Variants in RIMS1 observed in about 807,000 individuals in gnomAD.
RIMS1 encodes regulating synaptic membrane exocytosis protein 1.
A neutral mutation model predicts 214.1 loss-of-function variants in RIMS1; 83 were observed. The observed-to-expected ratio is 0.39, with a 90% CI of 0.32 to 0.47. RIMS1 has a LOEUF of 0.47. Ranked by LOEUF, RIMS1 falls within the 20% of genes least tolerant of loss-of-function variation. The pLI is 0.99. For synonymous variants in RIMS1, 793 were observed against 786.8 expected, an observed-to-expected ratio of 1.01 and a Z score of -0.13; for missense variants, 2,050 against 2,161.8, an observed-to-expected ratio of 0.95 and a Z score of 1.03.
intron 6 of RIMS1, among the ~76,000 whole-genome samples, chr6:72,229,302 G>T (rs2061249571): frequency 6.6e-6 from 1 of 151,716 alleles, no homozygotes; most frequent in Non-Finnish European, 1.5e-5. Context: ...CACTATACTA[G>T]GCACTTTGAC....
In RIMS1 at chr6:71,910,909, T is replaced by A. The variant is rs561777366; in HGVS notation, c.164+23722T>A. ...GAGTTGGCAGCTCTGGAGGATGAGA[T>A]GATCAATCTGGCTCCAATAGGAAGA... On this transcript the variant is annotated intron_variant, in intron 1 of 33. Transcript: ENST00000521978. 2.0e-5 allele frequency among the ~76,000 whole-genome samples: 3 copies of A among 152,226 alleles called. No individual in the cohort carries two copies. In the East Asian group the frequency reaches 5.8e-4, roughly 29 times the overall value.
At chr6:72,091,702 A>C (rs933364787) in intron 2 of RIMS1, among the ~76,000 whole-genome samples, 1 of 151,886 alleles carries the variant, frequency 6.6e-6, no homozygotes, top group Non-Finnish European at 1.5e-5. Flanking sequence ...TGAAACAATG[A>C]AAAAAAACAG....
intron 1 of RIMS1, among the ~76,000 whole-genome samples, chr6:71,899,766 C>A (rs989676827): frequency 6.6e-6 from 1 of 152,110 alleles, no homozygotes; most frequent in Non-Finnish European, 1.5e-5. Flanking sequence ...CTGTAGCTAA[C>A]TGGACTAATG....
At chr6:72,260,797 G>A in intron 19 of RIMS1, 30 bp downstream of exon 19, 1 of 1,609,208 alleles carries the variant, frequency 6.2e-7, no homozygotes, top group East Asian at 2.2e-5. Context: ...AATGGTGACT[G>A]TGTGTGATGA....
chr6:72,080,074 TAAAAAAAAAAAAAA>T (rs770845471), intron 2 of RIMS1, among the ~76,000 whole-genome samples: 14 of 22,404 alleles, frequency 6.2e-4, no homozygotes, highest in East Asian at 3.4e-3. Context: ...GTGTCTCTAC[TAAAAAAAAAAAAAA>T]AAAAAAAAAA....
intron 6 of RIMS1, among the ~76,000 whole-genome samples, chr6:72,196,380 TATCTATC>T (rs1562551685): frequency 3.1e-4 from 8 of 26,176 alleles, no homozygotes; most frequent in African/African-American, 6.2e-4. Flanking sequence ...TCTGTCTGTC[TATCTATC>T]TATCTATCTA....
At chr6:72,341,081 G>A (rs189828945) in intron 29 of RIMS1, among the ~76,000 whole-genome samples, 3,100 of 152,066 alleles carry the variant, frequency 0.02, 70 homozygotes, top group African/African-American at 0.056. Context: ...TTGGCTCTCT[G>A]TTTGTCTGTT....
At chr6:72,029,416 T>C (rs146561573) in intron 2 of RIMS1, among the ~76,000 whole-genome samples, 6 of 152,198 alleles carry the variant, frequency 3.9e-5, no homozygotes, top group African/African-American at 1.4e-4. Context: ...TAGGATGTGA[T>C]TAAGTCATGA....
intron 2 of RIMS1, among the ~76,000 whole-genome samples, chr6:72,052,730 G>C (rs1048626786): frequency 6.6e-6 from 1 of 152,164 alleles, no homozygotes; most frequent in Non-Finnish European, 1.5e-5. Context: ...TATAGGTAAA[G>C]CATCTATTTT....
chr6:72,030,025 G>A (rs1450990067), intron 2 of RIMS1, among the ~76,000 whole-genome samples: 5 of 152,158 alleles, frequency 3.3e-5, no homozygotes, highest in Non-Finnish European at 2.9e-5. Flanking sequence ...GTAAGGACCC[G>A]AGATGCCAAA....
chr6:72,151,702 C>G (rs2043616414), intron 4 of RIMS1, among the ~76,000 whole-genome samples: 1 of 152,166 alleles, frequency 6.6e-6, no homozygotes, highest in African/African-American at 2.4e-5. Context: ...CTAACTGTCT[C>G]TCTTTTCCTG....
intron 2 of RIMS1, among the ~76,000 whole-genome samples, chr6:72,081,911 A>G (rs1040232618): frequency 6.6e-6 from 1 of 152,198 alleles, no homozygotes; most frequent in Non-Finnish European, 1.5e-5. Flanking sequence ...AAATGATGAA[A>G]ACAGATGTCA....
At chr6:72,153,791 G>A (rs1318284548) in intron 4 of RIMS1, among the ~76,000 whole-genome samples, 1 of 152,126 alleles carries the variant, frequency 6.6e-6, no homozygotes, top group Non-Finnish European at 1.5e-5. Flanking sequence ...TAAATATTTT[G>A]AGAAATCTGA....
intron 27 of RIMS1, among the ~76,000 whole-genome samples, chr6:72,312,283 G>GA (rs1180615728): frequency 1.3e-5 from 2 of 152,006 alleles, no homozygotes; most frequent in African/African-American, 4.8e-5. Context: ...TGCTTGCTAA[G>GA]AAACAAACAC....
At chr6:71,948,115 G>A (rs538123333) in intron 1 of RIMS1, among the ~76,000 whole-genome samples, 2 of 152,240 alleles carry the variant, frequency 1.3e-5, no homozygotes, top group African/African-American at 4.8e-5. Flanking sequence ...TTAGCAAAGA[G>A]TCACAGGTTG....
At chr6:72,090,121 G>A (rs1420157006) in intron 2 of RIMS1, among the ~76,000 whole-genome samples, 1 of 151,958 alleles carries the variant, frequency 6.6e-6, no homozygotes, top group Non-Finnish European at 1.5e-5. Flanking sequence ...GTATACATAT[G>A]TAACTAACCT....
At chr6:72,075,517 A>C (rs1380665477) in intron 2 of RIMS1, among the ~76,000 whole-genome samples, 4 of 152,208 alleles carry the variant, frequency 2.6e-5, no homozygotes, top group Non-Finnish European at 5.9e-5. Flanking sequence ...AAGAGATGTT[A>C]CTTTATGTCA....
chr6:72,395,606 C>T lies in RIMS1; in HGVS notation c.4619-2643C>T, dbSNP rs577431132. Among the ~76,000 whole-genome samples the T allele has an allele frequency of 8.6e-5, 13 of 151,932 alleles. No homozygotes were observed. In the South Asian group the frequency reaches 2.7e-3, roughly 32 times the overall value. ...GAAAGTATCCAGAATTAATTGGACA[C>T]ATAAAATAATGGAAAATATGAATAA... On this transcript the variant is annotated intron_variant, in intron 31 of 33. Transcript: ENST00000521978.
At chr6:72,090,037 G>T (rs957681063) in intron 2 of RIMS1, among the ~76,000 whole-genome samples, 1 of 117,026 alleles carries the variant, frequency 8.5e-6, no homozygotes, top group African/African-American at 3.3e-5. Flanking sequence ...GGGGGAGGGG[G>T]GAGGGATAGC....
Sources: gnomAD v4.1 joint callset for allele counts (sites outside exome capture counted in the v4.1 genomes callset) on GRCh38, gnomAD v4.1.1 for gene constraint, MANE v1.5 for transcripts, NCBI Gene and HGNC (gene_info 2026-07-23, HGNC 2026-07-21) for gene names.